Variants in RXFP3 observed in about 807,000 individuals in gnomAD.
RXFP3 encodes relaxin-3 receptor 1.
In RXFP3, 31 loss-of-function variants were observed where a neutral mutation model predicts 27.3. The observed-to-expected ratio is 1.13, with a 90% CI of 0.85 to 1.53. RXFP3 has a LOEUF of 1.53. Ranked by LOEUF, RXFP3 falls within the 40% of genes most tolerant of loss-of-function variation. The pLI is 0.00. For synonymous variants in RXFP3, 351 were observed against 293.6 expected, an observed-to-expected ratio of 1.20 and a Z score of -2.00; for missense variants, 684 against 642.1, an observed-to-expected ratio of 1.07 and a Z score of -0.70.
At position 33,937,089 on chromosome 5, in the gene RXFP3, A is replaced by C; in HGVS notation, c.349A>C (p.Ile117Leu). The change falls in exon 1 of 1, where the codon ATC becomes CTC. Residue 117 changes from isoleucine (I) to leucine (L), a missense_variant. Coordinates refer to ENST00000330120, the MANE Select transcript of RXFP3 (RefSeq NM_016568.3). ...KSMQGWRKSS[I>L]NLFVTNLALT... is the part of the protein sequence containing the mutation. ...CATGCAGGGCTGGCGCAAGTCCTCT[A>C]TCAACCTCTTCGTCACCAACCTGGC... The C allele has an allele frequency of 6.2e-7, 1 of 1,614,156 alleles. No individual in the cohort carries two copies. Among genetic ancestry groups the C allele is most frequent in the South Asian group, 1.1e-5 (1 of 91,074 alleles).
In RXFP3 at chr5:33,936,744, C is replaced by T. The variant is rs1264502253; in HGVS notation, c.4C>T (p.Gln2Ter). The part of the protein sequence containing the change: M[Q>*]MADAATIATM... The stretch of plus-strand genomic sequence containing the variant: ...CATGACCTAGAGGTACCTGCGCATG[C>T]AGATGGCCGATGCAGCCACGATAGC... The change falls in exon 1 of 1, where the codon CAG becomes TAG. Residue 2 changes from glutamine to a stop codon, truncating the protein, a stop_gained. Transcript: ENST00000330120. LOFTEE classifies it low-confidence loss of function (END_TRUNC). 5 of 1,518,638 alleles carry T rather than the reference C, an allele frequency of 3.3e-6. No individual in the cohort carries two copies. In the South Asian group the frequency reaches 5.2e-5, roughly 16 times the overall value. The allele number at this position is 1,518,638 out of a possible 1,614,324, so 94.1% of individuals were successfully genotyped here. A position where few individuals can be genotyped will look rare whatever the true frequency, so the allele number is the denominator to read the frequency against.
At position 33,936,759 on chromosome 5, in the gene RXFP3, G is replaced by T; in HGVS notation, c.19G>T (p.Ala7Ser). 1.3e-6 allele frequency: 2 copies of T among 1,522,572 alleles called. No individual in the cohort carries two copies. Among genetic ancestry groups the T allele is most frequent in the Non-Finnish European group, 1.8e-6 (2 of 1,133,138 alleles). The allele number at this position is 1,522,572 out of a possible 1,614,324, so 94.3% of individuals were successfully genotyped here. Residue 7 changes from alanine (A) to serine (S), a missense_variant, in exon 1 of 1, where the codon GCC (alanine) becomes TCC (serine). Ala to Ser is a moderately conservative substitution (Grantham distance 99). Coordinates refer to ENST00000330120, the MANE Select transcript of RXFP3 (RefSeq NM_016568.3). MQMADA[A>S]TIATMNKAAG... ...CCTGCGCATGCAGATGGCCGATGCAGCCACGATAGCCACCATGAATAAGGC... is the reference window on the plus strand; with the variant it reads ...CCTGCGCATGCAGATGGCCGATGCATCCACGATAGCCACCATGAATAAGGC...
chr5:33,936,901 T>A lies in RXFP3; in HGVS notation c.161T>A (p.Leu54Gln). 6.2e-7 allele frequency: 1 copy of A among 1,603,182 alleles called. No individual in the cohort carries two copies. Among genetic ancestry groups the A allele is most frequent in the Non-Finnish European group, 8.5e-7 (1 of 1,172,084 alleles). Residue 54 changes from leucine (L) to glutamine (Q), a missense_variant, in exon 1 of 1, where the codon CTG (leucine) becomes CAG (glutamine). By Grantham distance (113) the Leu-to-Gln change is moderately radical. Coordinates refer to ENST00000330120, the MANE Select transcript of RXFP3 (RefSeq NM_016568.3). Reference protein sequence around the residue: ...QLPDLWWELGLELPDGAPPGH... With the variant: ...QLPDLWWELGQELPDGAPPGH... ...CCGGACTTGTGGTGGGAGCTGGGGC[T>A]GGAGTTGCCGGACGGCGCGCCGCCA...
chr5:33,937,878 T>C lies in RXFP3; in HGVS notation c.1138T>C (p.Ser380Pro). The change falls in exon 1 of 1, where the codon TCC becomes CCC. Residue 380 changes from serine to proline, a missense_variant. Physicochemically the swap from Ser to Pro is moderately conservative, Grantham distance 74. Transcript: ENST00000330120. ...AFPVSVCLAH[S>P]NSCLNPVLYC... ...CCCTGTGAGCGTGTGCCTAGCGCACTCCAACAGCTGCCTCAACCCCGTCCT... is the reference window on the plus strand; with the variant it reads ...CCCTGTGAGCGTGTGCCTAGCGCACCCCAACAGCTGCCTCAACCCCGTCCT... 6.2e-7 allele frequency: 1 copy of C among 1,614,016 alleles called. No homozygotes were observed. Among genetic ancestry groups the C allele is most frequent in the Non-Finnish European group, 8.5e-7 (1 of 1,180,034 alleles).
Position 33,936,705 on chromosome 5 carries a change from C to A in RXFP3, c.-36C>A. The A allele has an allele frequency of 6.7e-7, 1 of 1,500,592 alleles. No homozygotes were observed. Among genetic ancestry groups the A allele is most frequent in the Non-Finnish European group, 8.9e-7 (1 of 1,122,254 alleles). 93.0% of individuals were successfully genotyped at this position (1,500,592 alleles called of 1,614,324 possible). The stretch of plus-strand genomic sequence containing the variant: ...TGGGGTAAACCGTGTTATCTTAGGT[C>A]TTGTCCCCCAGAACATGACCTAGAG... On this transcript the variant is annotated 5_prime_UTR_variant, in exon 1 of 1. Transcript: ENST00000330120.
Position 33,936,814 on chromosome 5 carries a change from T to C in RXFP3, c.74T>C (p.Phe25Ser). The C allele has an allele frequency of 1.9e-6, 3 of 1,567,540 alleles. No homozygotes were observed. Among genetic ancestry groups the C allele is most frequent in the Non-Finnish European group, 2.6e-6 (3 of 1,152,648 alleles). ...AAGGDKLAEL[F>S]SLVPDLLEAA... ...GGCGGGGACAAGCTAGCAGAACTCT[T>C]CAGTCTGGTCCCGGACCTTCTGGAG... The change falls in exon 1 of 1, where the codon TTC becomes TCC. Residue 25 changes from phenylalanine to serine, a missense_variant. Transcript: ENST00000330120.
rs754795557 is a variant in RXFP3, at chr5:33,937,350, C to T, written c.610C>T (p.Arg204Trp). 6 of 1,612,700 alleles carry T rather than the reference C, an allele frequency of 3.7e-6. No homozygotes were observed. Among genetic ancestry groups the T allele is most frequent in the East Asian group, 2.2e-5 (1 of 44,876 alleles). ...RGHGRGDCCG[R>W]SLGDSCCFSA... is the part of the protein sequence containing the mutation. ...ACACGGCCGGGGCGACTGCTGCGGC[C>T]GGAGCCTGGGGGACAGCTGCTGCTT... Residue 204 changes from arginine to tryptophan, a missense_variant, in exon 1 of 1, where the codon CGG becomes TGG. Arg to Trp is a moderately radical substitution (Grantham distance 101). Transcript: ENST00000330120.
Position 33,938,665 on chromosome 5 carries a change from A to T in RXFP3, c.*515A>T, listed in dbSNP as rs551639901. The stretch of plus-strand genomic sequence containing the variant: ...TACTTGCTGCGGGGCTGCCCCAGGA[A>T]TCTAGAGCTGGTAGGCAAGAAACGC... On this transcript the variant is annotated 3_prime_UTR_variant, in exon 1 of 1. Transcript: ENST00000330120. 6.6e-6 allele frequency among the ~76,000 whole-genome samples: 1 copy of T among 152,342 alleles called. No individual in the cohort carries two copies. The highest frequency in any genetic ancestry group is 1.9e-4 in the East Asian group (1 of 5,176).
At position 33,936,981 on chromosome 5, in the gene RXFP3, C is replaced by A. The variant is rs780429160; in HGVS notation, c.241C>A (p.Arg81=). The change falls in exon 1 of 1, where the codon CGG becomes AGG. Residue 81 remains arginine (R), a synonymous_variant. Transcript: ENST00000330120. ...GAGCGCGGACACAGAGGCCCGGGTG[C>A]GGATTCTCATCAGCGTGGTGTACTG... is the stretch of plus-strand genomic sequence containing the variant. ...AESADTEARV[R]ILISVVYWVV... 4.3e-6 allele frequency: 7 copies of A among 1,612,098 alleles called. No homozygotes were observed. The Admixed American group carries it at 6.7e-5, about 15-fold the overall frequency.
Position 33,938,459 on chromosome 5 carries a change from C to A in RXFP3, c.*309C>A, listed in dbSNP as rs151318619. 6.6e-6 allele frequency among the ~76,000 whole-genome samples: 1 copy of A among 152,194 alleles called. No individual in the cohort carries two copies. Among genetic ancestry groups the A allele is most frequent in the African/African-American group, 2.4e-5 (1 of 41,438 alleles). On this transcript the variant is annotated 3_prime_UTR_variant, in exon 1 of 1. Transcript: ENST00000330120. ...CTTCCCACGCTGAGTAGTGTGGGGG[C>A]GCCCAGAAGCGAAGACAAGCAGCAA...
rs142906105 is a variant in RXFP3 at position 33,936,976 on chromosome 5, G to A, written c.236G>A (p.Arg79Gln). Residue 79 changes from arginine (R) to glutamine (Q), a missense_variant, in exon 1 of 1, where the codon CGG becomes CAG. By Grantham distance (43) the Arg-to-Gln change is conservative. Coordinates refer to ENST00000330120, the MANE Select transcript of RXFP3 (RefSeq NM_016568.3). ...GCAGAGAGCGCGGACACAGAGGCCC[G>A]GGTGCGGATTCTCATCAGCGTGGTG... ...GGAESADTEA[R>Q]VRILISVVYW... 4 of 1,611,726 alleles carry A rather than the reference G, an allele frequency of 2.5e-6. No individual in the cohort carries two copies. Among genetic ancestry groups the A allele is most frequent in the African/African-American group, 1.3e-5 (1 of 74,918 alleles).
At position 33,936,997 on chromosome 5, in the gene RXFP3, T is replaced by G; in HGVS notation, c.257T>G (p.Val86Gly). Reference protein sequence around the residue: ...TEARVRILISVVYWVVCALGL... With the variant: ...TEARVRILISGVYWVVCALGL... ...GCCCGGGTGCGGATTCTCATCAGCG[T>G]GGTGTACTGGGTGGTGTGCGCCCTG... The change falls in exon 1 of 1, where the codon GTG becomes GGG. Residue 86 changes from valine to glycine, a missense_variant. Physicochemically the swap from Val to Gly is moderately radical, Grantham distance 109 (BLOSUM62 -3). Coordinates refer to ENST00000330120, the MANE Select transcript of RXFP3 (RefSeq NM_016568.3). 4 of 1,613,670 alleles carry G rather than the reference T, an allele frequency of 2.5e-6. No individual in the cohort carries two copies. Among genetic ancestry groups the G allele is most frequent in the Non-Finnish European group, 2.5e-6 (3 of 1,179,938 alleles).
rs778805408 is a variant in RXFP3 at position 33,936,800 on chromosome 5, G to A, written c.60G>A (p.Lys20=). Reference sequence around the variant, plus strand: ...TGAATAAGGCAGCAGGCGGGGACAAGCTAGCAGAACTCTTCAGTCTGGTCC... The same window carrying A: ...TGAATAAGGCAGCAGGCGGGGACAAACTAGCAGAACTCTTCAGTCTGGTCC... ...ATMNKAAGGD[K]LAELFSLVPD... The change falls in exon 1 of 1, where the codon AAG becomes AAA. Residue 20 remains lysine (K), a synonymous_variant. Transcript: ENST00000330120. 3.9e-6 allele frequency: 6 copies of A among 1,546,004 alleles called. No individual in the cohort carries two copies. The African/African-American group carries it at 6.8e-5, about 18-fold the overall frequency.
Position 33,937,358 on chromosome 5 carries a change from G to C in RXFP3, c.618G>C (p.Leu206=). 1 of 1,612,772 alleles carries C rather than the reference G, an allele frequency of 6.2e-7. No homozygotes were observed. The change falls in exon 1 of 1, where the codon CTG becomes CTC. Residue 206 remains leucine (L), a synonymous_variant. Coordinates refer to ENST00000330120, the MANE Select transcript of RXFP3 (RefSeq NM_016568.3). The part of the protein sequence containing the change: ...HGRGDCCGRS[L]GDSCCFSAKA... ...GGGGCGACTGCTGCGGCCGGAGCCT[G>C]GGGGACAGCTGCTGCTTCTCGGCCA...
rs746629455 is a variant in RXFP3, at chr5:33,938,063, G to A, written c.1323G>A (p.Ala441=). The change falls in exon 1 of 1, where the codon GCG becomes GCA. Residue 441 remains alanine (A), a synonymous_variant. Transcript: ENST00000330120. ...CCCCGGCGCCGCCCCACGCGGCCGC[G>A]GAGCCGGACCTGCTCTACTACCCAC... The part of the protein sequence containing the change: ...LQAPAPPHAA[A]EPDLLYYPPG... 2.4e-5 allele frequency: 39 copies of A among 1,611,392 alleles called. No individual in the cohort carries two copies. Among genetic ancestry groups the A allele is most frequent in the Middle Eastern group, 1.6e-4 (1 of 6,076 alleles).
In RXFP3 at chr5:33,937,293, G is replaced by T. The variant is rs1751687370; in HGVS notation, c.553G>T (p.Ala185Ser). 3 of 1,613,186 alleles carry T rather than the reference G, an allele frequency of 1.9e-6. No homozygotes were observed. In the East Asian group the frequency reaches 6.7e-5, roughly 36 times the overall value. Residue 185 changes from alanine to serine, a missense_variant, in exon 1 of 1, where the codon GCC (alanine) becomes TCC (serine). Transcript: ENST00000330120. Reference sequence around the variant, plus strand: ...GAGTGTGACGCGCTACCATTCGGTGGCCTCGGCTCTGAAGAGCCACCGGAC... The same window carrying T: ...GAGTGTGACGCGCTACCATTCGGTGTCCTCGGCTCTGAAGAGCCACCGGAC... ...AMSVTRYHSV[A>S]SALKSHRTRG...
In RXFP3 at chr5:33,938,238, G is replaced by T. The variant is rs1341560444; in HGVS notation, c.*88G>T. 1 of 1,282,214 alleles carries T rather than the reference G, an allele frequency of 7.8e-7. No homozygotes were observed. Among genetic ancestry groups the T allele is most frequent in the East Asian group, 2.5e-5 (1 of 40,684 alleles). 79.4% of individuals were successfully genotyped at this position (1,282,214 alleles called of 1,614,324 possible). On this transcript the variant is annotated 3_prime_UTR_variant, in exon 1 of 1. Transcript: ENST00000330120. Reference sequence around the variant, plus strand: ...GTGAAAGGATGAAGGAGGGCTGGGGGGGGCCCCATTTAAGAAGTAGGTGGG... The same window carrying T: ...GTGAAAGGATGAAGGAGGGCTGGGGTGGGCCCCATTTAAGAAGTAGGTGGG...
At position 33,937,254 on chromosome 5, in the gene RXFP3, T is replaced by C. The variant is rs1398854147; in HGVS notation, c.514T>C (p.Phe172Leu). Reference sequence around the variant, plus strand: ...CATGAACATGTACGCCAGCGTGTTCTTCCTCACTGCCATGAGTGTGACGCG... The same window carrying C: ...CATGAACATGTACGCCAGCGTGTTCCTCCTCACTGCCATGAGTGTGACGCG... ...TSMNMYASVFFLTAMSVTRYH... is the reference protein window; with the variant it reads ...TSMNMYASVFLLTAMSVTRYH... The change falls in exon 1 of 1, where the codon TTC (phenylalanine) becomes CTC (leucine). Residue 172 changes from phenylalanine (F) to leucine (L), a missense_variant. Transcript: ENST00000330120. The C allele has an allele frequency of 1.2e-6, 2 of 1,614,000 alleles. No homozygotes were observed. The highest frequency in any genetic ancestry group is 2.2e-5 in the South Asian group (2 of 91,090).
At position 33,938,210 on chromosome 5, in the gene RXFP3, G is replaced by C; in HGVS notation, c.*60G>C. On this transcript the variant is annotated 3_prime_UTR_variant, in exon 1 of 1. Coordinates refer to ENST00000330120, the MANE Select transcript of RXFP3 (RefSeq NM_016568.3). Reference sequence around the variant, plus strand: ...AAGGTGGCCTTCCCCGGGCGGTAAAGAGGTGAAAGGATGAAGGAGGGCTGG... The same window carrying C: ...AAGGTGGCCTTCCCCGGGCGGTAAACAGGTGAAAGGATGAAGGAGGGCTGG... 1.4e-6 allele frequency: 2 copies of C among 1,461,822 alleles called. No homozygotes were observed. Among genetic ancestry groups the C allele is most frequent in the African/African-American group, 1.4e-5 (1 of 69,738 alleles). 90.6% of individuals were successfully genotyped at this position (1,461,822 alleles called of 1,614,324 possible).
Sources: gnomAD v4.1 joint callset for allele counts (sites outside exome capture counted in the v4.1 genomes callset) on GRCh38, gnomAD v4.1.1 for gene constraint, MANE v1.5 for transcripts, NCBI Gene and HGNC (gene_info 2026-07-23, HGNC 2026-07-21) for gene names.